PCDH7: variants seen among roughly 807,000 people sequenced by gnomAD.
PCDH7 encodes the protein protocadherin 7, also known as protocadherin-7.
A neutral mutation model predicts 58.9 loss-of-function variants in PCDH7; 17 were observed. The ratio of observed to expected loss-of-function variants is 0.29; its 90% CI spans 0.20 to 0.43. The LOEUF (loss-of-function observed/expected upper bound fraction) is 0.43, where lower values mean the gene tolerates loss of function less well. Ranked by LOEUF, PCDH7 falls within the 20% of genes least tolerant of loss-of-function variation. PCDH7 has a pLI of 1.00. For synonymous variants in PCDH7, 664 were observed against 616.4 expected (o/e 1.08, Z -1.14); for missense variants, 1,274 against 1,441.0 (o/e 0.88, Z 1.88).
At chr4:31,051,188 A>G (rs748809287) in intron 3 of PCDH7, among the ~76,000 whole-genome samples, 5 of 152,066 alleles carry the variant, frequency 3.3e-5, no homozygotes, top group African/African-American at 4.8e-5. Flanking sequence ...GTCTATCATC[A>G]CAGCCCCACC....
At chr4:30,884,568 A>T (rs1737443376) in intron 1 of PCDH7, 1 of 152,212 alleles carries the variant, frequency 6.6e-6, no homozygotes, top group Admixed American at 6.5e-5. Flanking sequence ...CCTCTGATTT[A>T]TGTGAATGTA....
At chr4:30,968,315 T>TATACAC (rs1553920862) in intron 3 of PCDH7, among the ~76,000 whole-genome samples, 7 of 43,890 alleles carry the variant, frequency 1.6e-4, no homozygotes, top group African/African-American at 7.6e-4. Context: ...TATATATATA[T>TATACAC]ACACTATATA....
At chr4:30,843,974 A>G (rs1420287317) in intron 1 of PCDH7, among the ~76,000 whole-genome samples, 1 of 152,228 alleles carries the variant, frequency 6.6e-6, no homozygotes, top group East Asian at 1.9e-4. Flanking sequence ...ACAAGGAGCA[A>G]ATGTCATGAT....
chr4:30,923,251 C>T (rs1217793146), intron 2 of PCDH7, among the ~76,000 whole-genome samples: 1 of 152,078 alleles, frequency 6.6e-6, no homozygotes, highest in African/African-American at 2.4e-5. Flanking sequence ...AAGATAATTT[C>T]TAGTGCAATA....
chr4:30,858,882 T>A (rs1209944814), intron 1 of PCDH7, among the ~76,000 whole-genome samples: 1 of 152,218 alleles, frequency 6.6e-6, no homozygotes, highest in African/African-American at 2.4e-5. Flanking sequence ...TTTTGAATTA[T>A]TCTAACATGC....
At chr4:31,088,725 A>G (rs1189299205) in intron 3 of PCDH7, among the ~76,000 whole-genome samples, 1 of 152,016 alleles carries the variant, frequency 6.6e-6, no homozygotes, top group Non-Finnish European at 1.5e-5. Flanking sequence ...TAAAAATGTC[A>G]AACAAGTGCA....
At chr4:31,121,274 A>T (rs1290767945) in intron 3 of PCDH7, among the ~76,000 whole-genome samples, 2 of 152,182 alleles carry the variant, frequency 1.3e-5, no homozygotes, top group African/African-American at 4.8e-5. Context: ...TTTTGAGGAG[A>T]GGAGGTAGCA....
At chr4:30,826,756 C>T (rs770637451) in intron 1 of PCDH7, among the ~76,000 whole-genome samples, 4 of 152,018 alleles carry the variant, frequency 2.6e-5, no homozygotes, top group Admixed American at 6.6e-5. Flanking sequence ...GACAGGGTCT[C>T]GTTTTGTCAC....
chr4:31,017,433 G>T (rs891879230), intron 3 of PCDH7, among the ~76,000 whole-genome samples: 7 of 152,108 alleles, frequency 4.6e-5, no homozygotes, highest in Admixed American at 4.6e-4. Flanking sequence ...GAGATGGGAG[G>T]ATCTAAACAG....
chr4:30,976,195 A>G (rs1349070953), intron 3 of PCDH7, among the ~76,000 whole-genome samples: 1 of 151,960 alleles, frequency 6.6e-6, no homozygotes, highest in Non-Finnish European at 1.5e-5. Flanking sequence ...CTTGTTGCCC[A>G]GGGGCTGCAG....
At chr4:30,869,607 A>T (rs1336400846) in intron 1 of PCDH7, among the ~76,000 whole-genome samples, 1 of 152,218 alleles carries the variant, frequency 6.6e-6, no homozygotes, top group African/African-American at 2.4e-5. Flanking sequence ...TGCAAAGGAC[A>T]TGAACCCATC....
chr4:30,914,915 A>G (rs879622138), intron 1 of PCDH7, among the ~76,000 whole-genome samples: 2 of 152,080 alleles, frequency 1.3e-5, no homozygotes, highest in Non-Finnish European at 2.9e-5. Context: ...TTGTTCTGTT[A>G]TTTTTTGTGT....
At chr4:30,929,212 A>G (rs981040893) in intron 2 of PCDH7, among the ~76,000 whole-genome samples, 9 of 152,198 alleles carry the variant, frequency 5.9e-5, no homozygotes, top group Non-Finnish European at 8.8e-5. Flanking sequence ...AGATTGGATT[A>G]CATTATATTT....
At chr4:30,857,629 A>G (rs555062637) in intron 1 of PCDH7, among the ~76,000 whole-genome samples, 12 of 152,226 alleles carry the variant, frequency 7.9e-5, no homozygotes, top group Admixed American at 7.2e-4. Flanking sequence ...ATTGAAACTC[A>G]GGTTGTCCTG....
intron 1 of PCDH7, among the ~76,000 whole-genome samples, chr4:30,777,053 A>T (rs566711894): frequency 4.7e-4 from 71 of 152,282 alleles, no homozygotes; most frequent in African/African-American, 1.7e-3. Flanking sequence ...CAATGTAATC[A>T]CTCATTGGAA....
intron 3 of PCDH7, among the ~76,000 whole-genome samples, chr4:31,058,499 C>A (rs1757431916): frequency 6.6e-6 from 1 of 151,964 alleles, no homozygotes; most frequent in African/African-American, 2.4e-5. Context: ...TTTAGTTAGG[C>A]AGAGTGCATT....
At chr4:30,816,529 G>A (rs1727688310) in intron 1 of PCDH7, among the ~76,000 whole-genome samples, 1 of 151,246 alleles carries the variant, frequency 6.6e-6, no homozygotes, top group Non-Finnish European at 1.5e-5. Flanking sequence ...TATAAAATAA[G>A]GTGATATTTT....
chr4:30,768,468 C>G (rs1721016250), intron 1 of PCDH7, among the ~76,000 whole-genome samples: 1 of 152,180 alleles, frequency 6.6e-6, no homozygotes, highest in Non-Finnish European at 1.5e-5. Flanking sequence ...CCCTAGTAAG[C>G]TCCATTTGCA....
At chr4:30,901,445 G>A (rs1432058626) in intron 1 of PCDH7, among the ~76,000 whole-genome samples, 1 of 152,084 alleles carries the variant, frequency 6.6e-6, no homozygotes, top group African/African-American at 2.4e-5. Flanking sequence ...TTTCAACCTT[G>A]CTGACATAGA....
Sources: allele counts gnomAD v4.1 joint callset (sites outside exome capture counted in the v4.1 genomes callset), GRCh38; gene constraint gnomAD v4.1.1; transcripts MANE v1.5; gene names NCBI Gene and HGNC (gene_info 2026-07-23, HGNC 2026-07-21).